DTWD2: variants seen among roughly 807,000 people sequenced by gnomAD.
DTWD2 encodes DTW motif tRNA-uridine aminocarboxypropyltransferase 2.
A neutral mutation model predicts 31.8 loss-of-function variants in DTWD2; 39 were observed. The observed-to-expected ratio is 1.22, with a 90% CI of 0.95 to 1.60. DTWD2 has a LOEUF of 1.60. Among genes scored for constraint, DTWD2 ranks in the 40% most tolerant of loss-of-function variants. The pLI is 0.00. For synonymous variants in DTWD2, 180 were observed against 142.8 expected (o/e 1.26, Z -1.86); for missense variants, 515 against 381.5 (o/e 1.35, Z -2.92).
chr5:118,971,685 C>A (rs1010038858), intron 1 of DTWD2, among the ~76,000 whole-genome samples: 2 of 152,154 alleles, frequency 1.3e-5, no homozygotes, highest in Non-Finnish European at 2.9e-5. Context: ...ATATATTTTT[C>A]TCCTAGACAC....
intron 1 of DTWD2, among the ~76,000 whole-genome samples, chr5:118,980,361 C>T (rs542306571): frequency 3.3e-5 from 5 of 152,174 alleles, no homozygotes; most frequent in Non-Finnish European, 7.3e-5. Context: ...AAAGAAACAA[C>T]ACAAACATGA....
At chr5:118,958,556 T>A (rs1754640482) in intron 1 of DTWD2, among the ~76,000 whole-genome samples, 3 of 113,654 alleles carry the variant, frequency 2.6e-5, no homozygotes, top group South Asian at 2.8e-4. Flanking sequence ...ATGACAAATA[T>A]AACATTAACA....
chr5:118,901,431 T>G (rs1753208753), intron 4 of DTWD2, among the ~76,000 whole-genome samples: 1 of 152,212 alleles, frequency 6.6e-6, no homozygotes, highest in East Asian at 1.9e-4. Flanking sequence ...TTTTAAAAAT[T>G]TGATCTTCTC....
chr5:118,887,216 TA>T (rs1752886536), intron 4 of DTWD2, among the ~76,000 whole-genome samples: 1 of 152,174 alleles, frequency 6.6e-6, no homozygotes, highest in African/African-American at 2.4e-5. Flanking sequence ...AAATTCGTGA[TA>T]AAAATATTCT....
At chr5:118,923,395 C>A (rs1180888221) in intron 4 of DTWD2, among the ~76,000 whole-genome samples, 1 of 152,148 alleles carries the variant, frequency 6.6e-6, no homozygotes, top group East Asian at 1.9e-4. Flanking sequence ...TGGTCATGCT[C>A]ACTAAGAGAC....
At chr5:118,852,618 T>G (rs1423626526) in intron 4 of DTWD2, among the ~76,000 whole-genome samples, 3 of 152,180 alleles carry the variant, frequency 2.0e-5, no homozygotes, top group Admixed American at 2.0e-4. Flanking sequence ...ACACTGCTTG[T>G]GGGAATGTAA....
At chr5:118,848,802 T>C (rs572781141) in intron 4 of DTWD2, among the ~76,000 whole-genome samples, 145 of 152,146 alleles carry the variant, frequency 9.5e-4, no homozygotes, top group African/African-American at 3.2e-3. Context: ...ATAAATGGTG[T>C]TGGGAAAACT....
At chr5:118,978,694 AGAATGGT>A (rs1172517873) in intron 1 of DTWD2, among the ~76,000 whole-genome samples, 3 of 152,254 alleles carry the variant, frequency 2.0e-5, no homozygotes. Context: ...CATGCCAGTC[AGAATGGT>A]GACTATCAAA....
chr5:118,846,344 C>T (rs1396088046), intron 5 of DTWD2, among the ~76,000 whole-genome samples: 1 of 152,106 alleles, frequency 6.6e-6, no homozygotes, highest in African/African-American at 2.4e-5. Flanking sequence ...ATTACCATAA[C>T]CACCACCATT....
intron 4 of DTWD2, among the ~76,000 whole-genome samples, chr5:118,883,813 G>A (rs1287299540): frequency 6.6e-6 from 1 of 152,120 alleles, no homozygotes; most frequent in Non-Finnish European, 1.5e-5. Context: ...TGGAGACACA[G>A]AGCCAAACCA....
chr5:118,978,169 A>C (rs116101252), intron 1 of DTWD2, among the ~76,000 whole-genome samples: 23,334 of 151,694 alleles, frequency 0.15, 1,936 homozygotes, highest in Middle Eastern at 0.23. Flanking sequence ...GGCTAGCCAT[A>C]TGCAGCAGAA....
At chr5:118,907,153 C>A (rs1270251070) in intron 4 of DTWD2, among the ~76,000 whole-genome samples, 1 of 152,158 alleles carries the variant, frequency 6.6e-6, no homozygotes, top group Admixed American at 6.5e-5. Context: ...AAGTATATTA[C>A]AACATCATTT....
intron 1 of DTWD2, chr5:118,974,014 G>A (rs1755064634): frequency 2.5e-6 from 4 of 1,602,262 alleles, no homozygotes; most frequent in Non-Finnish European, 2.6e-6. Context: ...GTGAGGAAGA[G>A]GATGGAGATG....
At chr5:118,945,369 G>C (rs1754308070) in intron 1 of DTWD2, among the ~76,000 whole-genome samples, 1 of 152,096 alleles carries the variant, frequency 6.6e-6, no homozygotes, top group African/African-American at 2.4e-5. Context: ...TCTTCCTTTA[G>C]GGGCAACCAA....
chr5:118,983,680 T>G (rs1755358341), intron 1 of DTWD2, among the ~76,000 whole-genome samples: 1 of 152,206 alleles, frequency 6.6e-6, no homozygotes, highest in Admixed American at 6.5e-5. Flanking sequence ...TCTTGCAGAC[T>G]TAGTGATGCC....
At chr5:118,868,725 G>C (rs546672720) in intron 4 of DTWD2, among the ~76,000 whole-genome samples, 1 of 151,440 alleles carries the variant, frequency 6.6e-6, no homozygotes, top group African/African-American at 2.4e-5. Context: ...TGTAGCCCCA[G>C]CTACTCAGGA....
intron 5 of DTWD2, among the ~76,000 whole-genome samples, chr5:118,844,888 T>A (rs895719548): frequency 6.6e-6 from 1 of 152,144 alleles, no homozygotes; most frequent in African/African-American, 2.4e-5. Flanking sequence ...AATTCCAACA[T>A]TTTGGCAGGC....
intron 4 of DTWD2, among the ~76,000 whole-genome samples, chr5:118,909,146 G>C (rs1319608150): frequency 6.6e-6 from 1 of 152,220 alleles, no homozygotes; most frequent in African/African-American, 2.4e-5. Flanking sequence ...TCAATGGGGA[G>C]ACCCGCATAG....
chr5:118,988,388 C>A lies in DTWD2; in HGVS notation c.124G>T (p.Ala42Ser), dbSNP rs1421254619. ...REGGAVPAAAALGAEADDDSA... is the reference protein window; with the variant it reads ...REGGAVPAAASLGAEADDDSA... ...TCGTCGTCCGCCTCTGCGCCCAGGG[C>A]AGCCGCCGCCGGCACTGCGCCGCCC... is the stretch of plus-strand genomic sequence containing the variant. Residue 42 changes from alanine to serine, a missense_variant, in exon 1 of 6, where the codon GCC becomes TCC. Physicochemically the swap from Ala to Ser is moderately conservative, Grantham distance 99. Transcript: ENST00000510708. The A allele has an allele frequency of 1.3e-6, 2 of 1,588,186 alleles. No homozygotes were observed. Among genetic ancestry groups the A allele is most frequent in the Non-Finnish European group, 1.7e-6 (2 of 1,169,942 alleles).
Sources: allele counts gnomAD v4.1 joint callset (sites outside exome capture counted in the v4.1 genomes callset), GRCh38; gene constraint gnomAD v4.1.1; transcripts MANE v1.5; gene names NCBI Gene and HGNC (gene_info 2026-07-23, HGNC 2026-07-21).